The following ENPEP variants were observed in gnomAD, a reference collection of about 807,000 sequenced individuals.
ENPEP encodes the protein AP-A.
Under a neutral mutation model 114.5 loss-of-function variants are expected in ENPEP, and 103 were observed. The ratio of observed to expected loss-of-function variants is 0.90; its 90% CI spans 0.77 to 1.06. The LOEUF is 1.06. Ranked by LOEUF, ENPEP falls within the 50% of genes least tolerant of loss-of-function variation. The pLI is 0.00. For missense variants in ENPEP, 1,196 were observed against 1,161.3 expected, an observed-to-expected ratio of 1.03 and a Z score of -0.43; for synonymous variants, 420 against 422.0, an observed-to-expected ratio of 1.00 and a Z score of 0.06.
intron 18 of ENPEP, 36 bp downstream of exon 18, chr4:110,553,491 G>A: frequency 6.3e-7 from 1 of 1,587,380 alleles, no homozygotes; most frequent in Non-Finnish European, 8.6e-7. Context: ...TGTTTTCTTT[G>A]TTTCATACTA....
Position 110,561,548 on chromosome 4 carries a change from A to G in ENPEP, c.2864A>G (p.Glu955Gly). Residue 955 changes from glutamate to glycine, a missense_variant, in exon 20 of 20, where the codon GAG (glutamate) becomes GGG (glycine). By Grantham distance (98) the Glu-to-Gly change is moderately conservative. Transcript: ENST00000265162. ...AGAGAATGGTTTTTTAATTTACTTG[A>G]GAGTGGTTAATGTATTCAAATGTTA... ...TIREWFFNLL[E>G]SG 6.2e-7 allele frequency: 1 copy of G among 1,613,038 alleles called. No individual in the cohort carries two copies. The highest frequency in any genetic ancestry group is 8.5e-7 in the Non-Finnish European group (1 of 1,179,618).
chr4:110,519,244 G>A, intron 8 of ENPEP: 1 of 346,986 alleles, frequency 2.9e-6, no homozygotes, highest in South Asian at 2.3e-5. Context: ...TTTAGGTACA[G>A]CACCTACTGA....
At chr4:110,502,897 A>C (rs1725214399) in intron 3 of ENPEP, among the ~76,000 whole-genome samples, 1 of 151,260 alleles carries the variant, frequency 6.6e-6, no homozygotes, top group Admixed American at 6.6e-5. Context: ...TTCTTATTCG[A>C]TGTTTTCTTT....
intron 1 of ENPEP, among the ~76,000 whole-genome samples, chr4:110,482,097 C>T (rs2110331575): frequency 6.6e-6 from 1 of 152,198 alleles, no homozygotes. Flanking sequence ...AGAAATTACC[C>T]CATGACTTTT....
At position 110,520,371 on chromosome 4, in the gene ENPEP, G is replaced by A; in HGVS notation, c.1727+5G>A. ...TCAGCCCCCTTCAGATCTTGGGTAAGGCTCTATAATGCATTGAAAAAAACA... is the reference window on the plus strand; with the variant it reads ...TCAGCCCCCTTCAGATCTTGGGTAAAGCTCTATAATGCATTGAAAAAAACA... On this transcript the variant is annotated splice_donor_5th_base_variant and intron_variant, in intron 10 of 19. Transcript: ENST00000265162. 6.2e-7 allele frequency: 1 copy of A among 1,613,650 alleles called. No homozygotes were observed. The highest frequency in any genetic ancestry group is 2.2e-5 in the East Asian group (1 of 44,850).
chr4:110,481,613 T>G (rs1289302268), intron 1 of ENPEP, among the ~76,000 whole-genome samples: 2 of 152,190 alleles, frequency 1.3e-5, no homozygotes, highest in Non-Finnish European at 2.9e-5. Flanking sequence ...ACAGCTTCTC[T>G]CCCATAAACG....
chr4:110,520,123 G>T (rs1725929258), intron 9 of ENPEP, 50 bp downstream of exon 9: 1 of 1,598,002 alleles, frequency 6.3e-7, no homozygotes, highest in Non-Finnish European at 8.6e-7. Flanking sequence ...ATTTACAAAT[G>T]GCTTACCAAT....
At chr4:110,480,595 C>A (rs1385210878) in intron 1 of ENPEP, among the ~76,000 whole-genome samples, 2 of 152,178 alleles carry the variant, frequency 1.3e-5, no homozygotes, top group Non-Finnish European at 2.9e-5. Flanking sequence ...ATTAATGTGA[C>A]AACCACAATG....
chr4:110,499,375 G>C (rs1725066464), intron 3 of ENPEP, among the ~76,000 whole-genome samples: 1 of 152,180 alleles, frequency 6.6e-6, no homozygotes, highest in Non-Finnish European at 1.5e-5. Context: ...AGAGAAAATA[G>C]GCAGCATGAT....
intron 8 of ENPEP, among the ~76,000 whole-genome samples, chr4:110,516,052 G>A (rs768083897): frequency 8.5e-5 from 13 of 152,184 alleles, no homozygotes; most frequent in Non-Finnish European, 1.6e-4. Context: ...GAATTTCAGG[G>A]AATACGATTC....
At chr4:110,511,479 C>T (rs561278981) in intron 6 of ENPEP, among the ~76,000 whole-genome samples, 3 of 152,212 alleles carry the variant, frequency 2.0e-5, no homozygotes, top group Admixed American at 2.0e-4. Context: ...TTGAAAACTA[C>T]TCATCTACAT....
At chr4:110,510,659 C>T (rs1194923633) in intron 6 of ENPEP, among the ~76,000 whole-genome samples, 6 of 151,400 alleles carry the variant, frequency 4.0e-5, no homozygotes, top group South Asian at 2.1e-4. Flanking sequence ...CTCTGTGTTC[C>T]AGAAAGTATC....
rs1727157025 is a variant in ENPEP, at chr4:110,548,299, T to C, written c.2124T>C (p.Asp708=). The stretch of plus-strand genomic sequence containing the variant: ...CCTACATCATTAGCATGTTTGAAGA[T>C]GATAAAGAGCTATATCCTATGATTG... ...AVTYIISMFE[D]DKELYPMIEE... is the part of the protein sequence containing the mutation. The change falls in exon 14 of 20, where the codon GAT becomes GAC. Residue 708 remains aspartate (D), a synonymous_variant. Coordinates refer to ENST00000265162, the MANE Select transcript of ENPEP (RefSeq NM_001977.4). The C allele has an allele frequency of 1.2e-6, 2 of 1,603,168 alleles. No homozygotes were observed. The highest frequency in any genetic ancestry group is 1.7e-6 in the Non-Finnish European group (2 of 1,175,334).
In ENPEP at chr4:110,548,336, A is replaced by C. The variant is rs1727159228; in HGVS notation, c.2151+10A>C. ...ATATCCTATGATTGAGGTGACGTTA[A>C]TGCTATGGTATCTTATGAAAGTAAA... is the stretch of plus-strand genomic sequence containing the variant. On this transcript the variant is annotated intron_variant, in intron 14 of 19. Transcript: ENST00000265162. 3 of 1,538,270 alleles carry C rather than the reference A, an allele frequency of 2.0e-6. No homozygotes were observed.
At position 110,535,130 on chromosome 4, in the gene ENPEP, G is replaced by A. The variant is rs80008425; in HGVS notation, c.1807+3853G>A. ...GAAGGATTGAAGGTTGTTATATGGT[G>A]TCAGGTAACCAATCTTGCTAAAACA... On this transcript the variant is annotated intron_variant, in intron 11 of 19. Coordinates refer to ENST00000265162, the MANE Select transcript of ENPEP (RefSeq NM_001977.4). Among the ~76,000 whole-genome samples, 1,251 of 152,272 alleles carry A rather than the reference G, an allele frequency of 8.2e-3. 11 individuals carry two copies. Among genetic ancestry groups the A allele is most frequent in the African/African-American group, 0.029 (1,201 of 41,554 alleles).
intron 11 of ENPEP, among the ~76,000 whole-genome samples, chr4:110,536,721 C>T (rs1281501922): frequency 6.6e-6 from 1 of 152,182 alleles, no homozygotes; most frequent in Non-Finnish European, 1.5e-5. Flanking sequence ...TCTTCACTAC[C>T]CAACTCTCCT....
Position 110,549,641 on chromosome 4 carries a change from T to C in ENPEP, c.2330+9T>C. 1 of 1,613,396 alleles carries C rather than the reference T, an allele frequency of 6.2e-7. No individual in the cohort carries two copies. The highest frequency in any genetic ancestry group is 8.5e-7 in the Non-Finnish European group (1 of 1,179,574). ...CTAAATGGGACTGTAAGGTGATTAC[T>C]CACATTGTTATGCTTAGAAGACACA... On this transcript the variant is annotated intron_variant, in intron 16 of 19. Coordinates refer to ENST00000265162, the MANE Select transcript of ENPEP (RefSeq NM_001977.4).
intron 11 of ENPEP, among the ~76,000 whole-genome samples, chr4:110,541,899 G>C (rs1172242179): frequency 6.6e-6 from 1 of 152,072 alleles, no homozygotes; most frequent in South Asian, 2.1e-4. Flanking sequence ...TAACGAACAT[G>C]GTTATATCAA....
chr4:110,512,370 T>C (rs534767406), intron 6 of ENPEP: 2 of 152,270 alleles, frequency 1.3e-5, no homozygotes, highest in South Asian at 4.2e-4. Context: ...GCTGGTATAG[T>C]CAATCTTCCT....
Sources: allele counts gnomAD v4.1 joint callset (sites outside exome capture counted in the v4.1 genomes callset), GRCh38; gene constraint gnomAD v4.1.1; transcripts MANE v1.5; gene names NCBI Gene and HGNC (gene_info 2026-07-23, HGNC 2026-07-21).